SLC25A26: variants seen among roughly 807,000 people sequenced by gnomAD.
SLC25A26 encodes solute carrier family 25 member 26, also known as mitochondrial S-adenosylmethionine carrier protein.
In SLC25A26, 36 loss-of-function variants were observed where a neutral mutation model predicts 37.8. The observed-to-expected ratio is 0.95, with a 90% CI of 0.73 to 1.26. The LOEUF is 1.26. Among genes scored for constraint, SLC25A26 ranks in the 50% most tolerant of loss-of-function variants. The pLI, the probability that SLC25A26 is intolerant of heterozygous loss-of-function variation, is 0.00. For synonymous variants in SLC25A26, 129 were observed against 122.5 expected, an observed-to-expected ratio of 1.05 and a Z score of -0.35; for missense variants, 390 against 331.1, an observed-to-expected ratio of 1.18 and a Z score of -1.38.
At chr3:66,347,110 A>G (rs1341432883) in intron 6 of SLC25A26, among the ~76,000 whole-genome samples, 2 of 152,226 alleles carry the variant, frequency 1.3e-5, no homozygotes, top group Non-Finnish European at 2.9e-5. Context: ...AACAAAAGCC[A>G]AAATTGACAA....
intron 1 of SLC25A26, among the ~76,000 whole-genome samples, chr3:66,209,145 A>ATG (rs1430076973): frequency 7.0e-5 from 6 of 85,256 alleles, no homozygotes; most frequent in African/African-American, 1.9e-4. Flanking sequence ...TTTTATATAT[A>ATG]TATATACCTA....
chr3:66,359,859 C>T lies in SLC25A26; in HGVS notation c.499-3001C>T, dbSNP rs374669541. On this transcript the variant is annotated intron_variant, in intron 6 of 9. Transcript: ENST00000354883. ...CTTTAGAAACCAGTCTCTAATAAGT[C>T]TTTTCTTTTTTAGCTTATCTGCTTT... 2.5e-4 allele frequency among the ~76,000 whole-genome samples: 38 copies of T among 152,256 alleles called. No individual in the cohort carries two copies. The South Asian group carries it at 7.5e-3, about 30-fold the overall frequency.
At chr3:66,218,559 A>G (rs1017799315), upstream of SLC25A26, among the ~76,000 whole-genome samples, 3 of 152,182 alleles carry the variant, frequency 2.0e-5, no homozygotes, top group Non-Finnish European at 4.4e-5. Flanking sequence ...AGTGATCCTC[A>G]TCTTCCGGTA....
At chr3:66,343,436 T>C (rs1169147905) in intron 5 of SLC25A26, among the ~76,000 whole-genome samples, 1 of 152,234 alleles carries the variant, frequency 6.6e-6, no homozygotes, top group African/African-American at 2.4e-5. Flanking sequence ...TTTTAGAGAG[T>C]AAAGCTGGGG....
intron 1 of SLC25A26, among the ~76,000 whole-genome samples, chr3:66,209,286 A>AC (rs1424686698): frequency 2.1e-5 from 3 of 139,618 alleles, no homozygotes; most frequent in African/African-American, 7.7e-5. Context: ...ATGTATATAT[A>AC]ATATATAGCT....
At chr3:66,302,554 G>A (rs1463240349) in intron 5 of SLC25A26, among the ~76,000 whole-genome samples, 1 of 152,282 alleles carries the variant, frequency 6.6e-6, no homozygotes, top group East Asian at 1.9e-4. Context: ...GCAGTTTAGA[G>A]TAAGCAGCGG....
intron 3 of SLC25A26, among the ~76,000 whole-genome samples, chr3:66,260,813 G>C (rs1221840639): frequency 2.0e-5 from 3 of 152,204 alleles, no homozygotes; most frequent in African/African-American, 7.2e-5. Flanking sequence ...ATGCTTTTGT[G>C]CTAAAACAGC....
intron 6 of SLC25A26, among the ~76,000 whole-genome samples, chr3:66,350,051 CTTT>C (rs1036486504): frequency 6.6e-6 from 1 of 152,088 alleles, no homozygotes; most frequent in Non-Finnish European, 1.5e-5. Flanking sequence ...GTTTTTGGAA[CTTT>C]TTTATTTTTG....
At chr3:66,206,233 A>T (rs1159553374) in intron 1 of SLC25A26, among the ~76,000 whole-genome samples, 1 of 152,192 alleles carries the variant, frequency 6.6e-6, no homozygotes, top group Non-Finnish European at 1.5e-5. Flanking sequence ...ACGTCAATGC[A>T]GGCGAGCCAA....
At chr3:66,309,600 G>T (rs1162790782) in intron 5 of SLC25A26, among the ~76,000 whole-genome samples, 1 of 152,048 alleles carries the variant, frequency 6.6e-6, no homozygotes, top group African/African-American at 2.4e-5. Context: ...TGATGTTAGG[G>T]TGTCGGTTTT....
chr3:66,265,580 A>G (rs1161677957), intron 5 of SLC25A26, among the ~76,000 whole-genome samples: 1 of 152,186 alleles, frequency 6.6e-6, no homozygotes, highest in Non-Finnish European at 1.5e-5. Context: ...CGAATACTGA[A>G]ATTCATTGAA....
intron 2 of SLC25A26, among the ~76,000 whole-genome samples, chr3:66,240,503 G>C (rs1281149228): frequency 6.6e-6 from 1 of 152,022 alleles, no homozygotes; most frequent in Non-Finnish European, 1.5e-5. Flanking sequence ...GTCCAGTCTG[G>C]TCTTGAACTC....
chr3:66,265,456 C>G (rs1428098164), intron 5 of SLC25A26, among the ~76,000 whole-genome samples: 1 of 152,192 alleles, frequency 6.6e-6, no homozygotes, highest in African/African-American at 2.4e-5. Flanking sequence ...GGACACAATT[C>G]TCTGTTAAAG....
intron 5 of SLC25A26, among the ~76,000 whole-genome samples, chr3:66,295,734 G>A (rs1175498375): frequency 6.6e-6 from 1 of 151,174 alleles, no homozygotes; most frequent in Non-Finnish European, 1.5e-5. Context: ...TCCTGACCTC[G>A]TGATCCGCCT....
chr3:66,340,242 T>C (rs529258579), intron 5 of SLC25A26, among the ~76,000 whole-genome samples: 3 of 152,166 alleles, frequency 2.0e-5, no homozygotes, highest in Admixed American at 1.3e-4. Flanking sequence ...CACAGTTTTG[T>C]TCATTGTAGC....
intron 5 of SLC25A26, among the ~76,000 whole-genome samples, chr3:66,308,341 G>A (rs534444581): frequency 3.0e-4 from 46 of 152,108 alleles, no homozygotes; most frequent in African/African-American, 7.0e-4. Context: ...TGATTTTTGC[G>A]CATTGATTTT....
intron 5 of SLC25A26, among the ~76,000 whole-genome samples, chr3:66,344,237 C>T (rs1431097765): frequency 6.6e-6 from 1 of 152,008 alleles, no homozygotes; most frequent in Non-Finnish European, 1.5e-5. Flanking sequence ...CCAAGGTGGG[C>T]GGATCACCTG....
chr3:66,182,250 G>A (rs1029249764), intron 1 of SLC25A26, among the ~76,000 whole-genome samples: 2 of 152,138 alleles, frequency 1.3e-5, no homozygotes, highest in Non-Finnish European at 2.9e-5. Context: ...CCTAGGGAGT[G>A]AGTGGTAGGG....
Position 66,263,380 on chromosome 3 carries a change from G to T in SLC25A26, c.453+1G>T. On this transcript the variant is annotated splice_donor_variant, in intron 5 of 9. Transcript: ENST00000354883. LOFTEE classifies it high-confidence loss of function. ...CTATAAAAGCACAGTTTTAAGAGAG[G>T]TAAGTCACTTACTTTCCAATATTGA... 1.9e-6 allele frequency: 3 copies of T among 1,601,152 alleles called. No homozygotes were observed. Among genetic ancestry groups the T allele is most frequent in the South Asian group, 1.1e-5 (1 of 89,960 alleles).
Sources: gnomAD v4.1 joint callset for allele counts (sites outside exome capture counted in the v4.1 genomes callset) on GRCh38, gnomAD v4.1.1 for gene constraint, MANE v1.5 for transcripts, NCBI Gene and HGNC (gene_info 2026-07-23, HGNC 2026-07-21) for gene names.